Variants in PTCHD4 observed in about 807,000 individuals in gnomAD.
PTCHD4 encodes patched domain-containing protein 4.
PTCHD4 carries 33 observed loss-of-function variants against 58.1 expected under a neutral mutation model. That is an observed-to-expected ratio of 0.57 (90% CI 0.43 to 0.76). The LOEUF is 0.76. Among genes scored for constraint, PTCHD4 ranks in the 30% least tolerant of loss-of-function variants. PTCHD4 has a pLI of 0.00. For missense variants in PTCHD4, 1,058 were observed against 1,027.1 expected, an observed-to-expected ratio of 1.03 and a Z score of -0.41; for synonymous variants, 478 against 409.6, an observed-to-expected ratio of 1.17 and a Z score of -2.02.
At chr6:47,995,018 A>C (rs1768428908) in intron 4 of PTCHD4, among the ~76,000 whole-genome samples, 1 of 152,236 alleles carries the variant, frequency 6.6e-6, no homozygotes, top group Admixed American at 6.5e-5. Flanking sequence ...GAAATCATAA[A>C]AAGATGGTCA....
chr6:48,061,309 C>A (rs531823427), intron 3 of PTCHD4, among the ~76,000 whole-genome samples: 1 of 152,248 alleles, frequency 6.6e-6, no homozygotes, highest in Admixed American at 6.5e-5. Context: ...ACAGGCTCAA[C>A]TGTAGATGAT....
intron 4 of PTCHD4, among the ~76,000 whole-genome samples, chr6:47,991,168 G>A (rs1309330065): frequency 6.6e-6 from 1 of 152,116 alleles, no homozygotes; most frequent in African/African-American, 2.4e-5. Context: ...GAGGTTCAAT[G>A]AATCCTCAGT....
In PTCHD4 at chr6:48,069,264, T is replaced by C. The variant is rs888767565; in HGVS notation, c.-307A>G. 7.9e-5 allele frequency among the ~76,000 whole-genome samples: 12 copies of C among 151,882 alleles called. No homozygotes were observed. The highest frequency in any genetic ancestry group is 2.7e-4 in the African/African-American group (11 of 41,338). The stretch of plus-strand genomic sequence containing the variant: ...GTTATTTTTAGAGTTTTGTGTTCCC[T>C]CTTCCCTCCCCGCTGGAGTGAATTG... On this transcript the variant is annotated 5_prime_UTR_variant, in exon 2 of 5. Coordinates refer to ENST00000339488, the MANE Select transcript of PTCHD4 (RefSeq NM_001384253.1).
rs1763469907 is a variant in PTCHD4, at chr6:47,863,060, A to T, written c.*15243T>A. Among the ~76,000 whole-genome samples the T allele has an allele frequency of 6.6e-6, 1 of 151,906 alleles. No homozygotes were observed. Among genetic ancestry groups the T allele is most frequent in the Admixed American group, 6.6e-5 (1 of 15,220 alleles). On this transcript the variant is annotated 3_prime_UTR_variant, in exon 5 of 5. Coordinates refer to ENST00000339488, the MANE Select transcript of PTCHD4 (RefSeq NM_001384253.1). ...TTCGTGATAATATAGGAACAAAAAG[A>T]TCTTCAAATTCTCTGGGCATTCATT... is the stretch of plus-strand genomic sequence containing the variant.
chr6:48,094,704 A>G (rs1473378859), intron 1 of PTCHD4, among the ~76,000 whole-genome samples: 2 of 152,248 alleles, frequency 1.3e-5, no homozygotes, highest in South Asian at 2.1e-4. Flanking sequence ...GCCTAAGAAT[A>G]TAAGGAAGAG....
chr6:48,040,000 ACT>A (rs1763787959), intron 3 of PTCHD4, among the ~76,000 whole-genome samples: 1 of 152,038 alleles, frequency 6.6e-6, no homozygotes, highest in Non-Finnish European at 1.5e-5. Context: ...GGGGCCCAAG[ACT>A]CTGCATTTCT....
At chr6:47,957,606 A>ATT (rs1235401433) in intron 4 of PTCHD4, among the ~76,000 whole-genome samples, 1 of 140,452 alleles carries the variant, frequency 7.1e-6, no homozygotes, top group African/African-American at 2.6e-5. Flanking sequence ...TTTTATTTTT[A>ATT]TTTTTTTTTT....
intron 4 of PTCHD4, among the ~76,000 whole-genome samples, chr6:47,902,605 T>C (rs1260546444): frequency 3.3e-5 from 5 of 152,210 alleles, no homozygotes; most frequent in Non-Finnish European, 7.3e-5. Flanking sequence ...TAATTAGCAA[T>C]AGTTTTCACT....
intron 1 of PTCHD4, among the ~76,000 whole-genome samples, chr6:48,102,686 A>C (rs1218657614): frequency 6.6e-6 from 1 of 152,038 alleles, no homozygotes; most frequent in Non-Finnish European, 1.5e-5. Flanking sequence ...GGGAAGTGCA[A>C]GGAATTCTCT....
chr6:47,909,289 G>C (rs1764992493), intron 4 of PTCHD4, among the ~76,000 whole-genome samples: 1 of 152,098 alleles, frequency 6.6e-6, no homozygotes, highest in African/African-American at 2.4e-5. Flanking sequence ...GAAATGTTAA[G>C]TTAAATCTTT....
intron 4 of PTCHD4, among the ~76,000 whole-genome samples, chr6:47,931,970 G>A (rs1765837750): frequency 6.6e-6 from 1 of 152,110 alleles, no homozygotes; most frequent in South Asian, 2.1e-4. Flanking sequence ...GGGACACACT[G>A]GACATTATAG....
intron 1 of PTCHD4, among the ~76,000 whole-genome samples, chr6:48,093,348 A>G: frequency 6.6e-6 from 1 of 152,152 alleles, no homozygotes; most frequent in East Asian, 1.9e-4. Context: ...CAGTTAGGTG[A>G]ATCACTCCAA....
At chr6:47,980,770 A>C (rs895195351) in intron 4 of PTCHD4, among the ~76,000 whole-genome samples, 1 of 151,900 alleles carries the variant, frequency 6.6e-6, no homozygotes, top group Non-Finnish European at 1.5e-5. Flanking sequence ...AACACTAAGC[A>C]CTACCTATAT....
intron 4 of PTCHD4, among the ~76,000 whole-genome samples, chr6:47,906,385 C>T (rs112346745): frequency 0.035 from 5,270 of 152,230 alleles, 148 homozygotes; most frequent in Non-Finnish European, 0.045. Context: ...GCTGGAATCA[C>T]TTCCACTTGT....
intron 4 of PTCHD4, among the ~76,000 whole-genome samples, chr6:47,975,058 A>C (rs2113996737): frequency 6.6e-6 from 1 of 152,264 alleles, no homozygotes; most frequent in African/African-American, 2.4e-5. Context: ...AGCCTTCTTC[A>C]CCTCCAAGGC....
rs535676038 is a variant in PTCHD4 at position 47,957,567 on chromosome 6, A to G, written c.898+51067T>C. On this transcript the variant is annotated intron_variant, in intron 4 of 4. Coordinates refer to ENST00000339488, the MANE Select transcript of PTCHD4 (RefSeq NM_001384253.1). The stretch of plus-strand genomic sequence containing the variant: ...AATGGGTTTCTACTATTCAAATACA[A>G]GACAAGTTTTTTTTTTTATTTTTTT... Among the ~76,000 whole-genome samples the G allele has an allele frequency of 2.3e-4, 20 of 87,454 alleles. No homozygotes were observed. In the South Asian group the frequency reaches 0.01, roughly 44 times the overall value. The allele number at this position is 87,454 out of a possible 152,430, so 57.4% of individuals were successfully genotyped here. A position where few individuals can be genotyped will look rare whatever the true frequency, so the allele number is the denominator to read the frequency against.
chr6:47,885,792 G>A (rs1764173121), intron 4 of PTCHD4, among the ~76,000 whole-genome samples: 1 of 152,136 alleles, frequency 6.6e-6, no homozygotes, highest in Admixed American at 6.5e-5. Flanking sequence ...ACTCTCTGGT[G>A]ACGTAGTTAG....
At position 48,005,792 on chromosome 6, in the gene PTCHD4, T is replaced by C. The variant is rs192613720; in HGVS notation, c.898+2842A>G. Among the ~76,000 whole-genome samples the C allele has an allele frequency of 1.1e-3, 160 of 152,326 alleles. 1 individual carries two copies. Among genetic ancestry groups the C allele is most frequent in the African/African-American group, 3.6e-3 (150 of 41,568 alleles). ...ATACTAACTTCAAAGATGAAACAAA[T>C]TGTATTTTGAAATCTTCAAATTGTA... On this transcript the variant is annotated intron_variant, in intron 4 of 4. Transcript: ENST00000339488.
At chr6:48,105,048 C>T (rs1765689609) in intron 1 of PTCHD4, among the ~76,000 whole-genome samples, 1 of 152,114 alleles carries the variant, frequency 6.6e-6, no homozygotes, top group African/African-American at 2.4e-5. Flanking sequence ...ATCAATGAGA[C>T]AGAAAGTTAA....
Sources: allele counts gnomAD v4.1 joint callset (sites outside exome capture counted in the v4.1 genomes callset), GRCh38; gene constraint gnomAD v4.1.1; transcripts MANE v1.5; gene names NCBI Gene and HGNC (gene_info 2026-07-23, HGNC 2026-07-21).